Variants in RGS7 observed in about 807,000 individuals in gnomAD.
RGS7 encodes regulator of G-protein signaling 7.
RGS7 carries 27 observed loss-of-function variants against 81.1 expected under a neutral mutation model. The ratio of observed to expected loss-of-function variants is 0.33; its 90% CI spans 0.25 to 0.46. The LOEUF is 0.46. Ranked by LOEUF, RGS7 falls within the 20% of genes least tolerant of loss-of-function variation. The pLI, the probability that RGS7 is intolerant of heterozygous loss-of-function variation, is 1.00. For missense variants in RGS7, 396 were observed against 607.4 expected (o/e 0.65, Z 3.66); for synonymous variants, 208 against 207.7 (o/e 1.00, Z -0.01).
intron 6 of RGS7, among the ~76,000 whole-genome samples, chr1:240,924,227 G>T (rs1674052173): frequency 6.6e-6 from 1 of 152,084 alleles, no homozygotes; most frequent in East Asian, 1.9e-4. Flanking sequence ...CTTTCTTTTT[G>T]CTGGCCTCTT....
At chr1:240,929,073 TATG>T (rs1230872837) in intron 6 of RGS7, among the ~76,000 whole-genome samples, 1 of 152,228 alleles carries the variant, frequency 6.6e-6, no homozygotes, top group Non-Finnish European at 1.5e-5. Flanking sequence ...AGGAAGTCAA[TATG>T]ATTTCTGTTT....
intron 9 of RGS7, among the ~76,000 whole-genome samples, chr1:240,861,785 C>T (rs1361315768): frequency 1.3e-5 from 2 of 151,964 alleles, no homozygotes; most frequent in Non-Finnish European, 2.9e-5. Context: ...ACCGTCCATC[C>T]ATTCACCTCT....
intron 3 of RGS7, among the ~76,000 whole-genome samples, chr1:240,985,053 A>C (rs1685450902): frequency 6.6e-6 from 1 of 152,234 alleles, no homozygotes; most frequent in Admixed American, 6.5e-5. Context: ...AATGGAAAGG[A>C]GATCATTCTC....
rs549457843 is a variant in RGS7, at chr1:240,920,222, C to A, written c.385+10495G>T. 7 of 1,169,772 alleles carry A rather than the reference C, an allele frequency of 6.0e-6. No individual in the cohort carries two copies. In the South Asian group the frequency reaches 7.3e-5, roughly 12 times the overall value. The allele number at this position is 1,169,772 out of a possible 1,614,324, so 72.5% of individuals were successfully genotyped here. On this transcript the variant is annotated intron_variant, in intron 6 of 18. Transcript: ENST00000440928. ...AGCAAGAGATAGCTAGTGCTTCATG[C>A]AGCCAAAGAGGTCGAAGTGGTTCTG...
At chr1:241,250,860 C>G (rs1022312917) in intron 2 of RGS7, among the ~76,000 whole-genome samples, 2 of 152,130 alleles carry the variant, frequency 1.3e-5, no homozygotes, top group African/African-American at 2.4e-5. Flanking sequence ...CTCTGGAAGC[C>G]CCTCCGAATA....
rs112827694 is a variant in RGS7 at position 240,814,206 on chromosome 1, T to C, written c.846-478A>G. Among the ~76,000 whole-genome samples, 927 of 152,204 alleles carry C rather than the reference T, an allele frequency of 6.1e-3. 5 individuals carry two copies. The highest frequency in any genetic ancestry group is 0.02 in the African/African-American group (810 of 41,522). ...TTTAAAAAGGGAGAAGGGAAAGAAG[T>C]TGGGGAGGTAGGATTTGGCAATGCC... is the stretch of plus-strand genomic sequence containing the variant. On this transcript the variant is annotated intron_variant, in intron 12 of 18. Coordinates refer to ENST00000440928, the MANE Select transcript of RGS7 (RefSeq NM_001364886.1).
intron 2 of RGS7, among the ~76,000 whole-genome samples, chr1:241,350,324 A>G (rs1271512145): frequency 6.6e-6 from 1 of 152,218 alleles, no homozygotes; most frequent in African/African-American, 2.4e-5. Context: ...TGTTTAGGGT[A>G]GACAACATCC....
At chr1:240,820,744 T>A (rs1410761561) in intron 10 of RGS7, among the ~76,000 whole-genome samples, 1 of 152,194 alleles carries the variant, frequency 6.6e-6, no homozygotes, top group Non-Finnish European at 1.5e-5. Flanking sequence ...TGCTGGTGCC[T>A]TGATCTTGGA....
intron 3 of RGS7, among the ~76,000 whole-genome samples, chr1:240,990,608 C>T (rs1686318592): frequency 6.6e-6 from 1 of 152,154 alleles, no homozygotes; most frequent in African/African-American, 2.4e-5. Context: ...ATTGTTACTT[C>T]TGGATTTTTA....
At chr1:240,820,504 T>C (rs564919670) in intron 10 of RGS7, among the ~76,000 whole-genome samples, 12 of 152,234 alleles carry the variant, frequency 7.9e-5, no homozygotes, top group Admixed American at 6.5e-4. Context: ...GTCTGAATGT[T>C]TGTGTCTCTC....
intron 2 of RGS7, among the ~76,000 whole-genome samples, chr1:241,200,614 C>G (rs2073431021): frequency 6.6e-6 from 1 of 152,212 alleles, no homozygotes; most frequent in Non-Finnish European, 1.5e-5. Context: ...CCCTGCCCCT[C>G]CAACCTCTTG....
At chr1:241,262,633 A>G (rs1425530685) in intron 2 of RGS7, among the ~76,000 whole-genome samples, 1 of 152,186 alleles carries the variant, frequency 6.6e-6, no homozygotes, top group Non-Finnish European at 1.5e-5. Context: ...TCGTAGCAAC[A>G]TAATTATAAA....
chr1:241,181,310 C>T (rs141242423), intron 2 of RGS7, among the ~76,000 whole-genome samples: 16 of 152,196 alleles, frequency 1.1e-4, no homozygotes, highest in Non-Finnish European at 2.1e-4. Context: ...TATACGGATA[C>T]GGGGTATAGG....
At position 241,259,665 on chromosome 1, in the gene RGS7, A is replaced by AG. The variant is rs1441232473; in HGVS notation, c.78+96033_78+96034insC. Among the ~76,000 whole-genome samples, 13 of 56,740 alleles carry AG rather than the reference A, an allele frequency of 2.3e-4. 1 individual carries two copies. Among genetic ancestry groups the AG allele is most frequent in the Non-Finnish European group, 4.4e-4 (13 of 29,544 alleles). The allele number at this position is 56,740 out of a possible 152,430, so 37.2% of individuals were successfully genotyped here. ...AACTCCGTCTCAAAAAAAAAAAAAA[A>AG]AAATATATATATATATATATAATTA... is the stretch of plus-strand genomic sequence containing the variant. On this transcript the variant is annotated intron_variant, in intron 2 of 18. Transcript: ENST00000440928.
At chr1:240,830,100 C>G (rs1221770591) in intron 9 of RGS7, among the ~76,000 whole-genome samples, 1 of 152,086 alleles carries the variant, frequency 6.6e-6, no homozygotes, top group Non-Finnish European at 1.5e-5. Flanking sequence ...TAGAAGAAGC[C>G]CCACATGCAA....
chr1:241,356,266 T>C (rs961193202), intron 1 of RGS7, among the ~76,000 whole-genome samples: 1 of 152,082 alleles, frequency 6.6e-6, no homozygotes, highest in South Asian at 2.1e-4. Flanking sequence ...CTCCTAGGTA[T>C]CTGTCTAGTG....
Position 241,271,731 on chromosome 1 carries a change from T to C in RGS7, c.78+83968A>G, listed in dbSNP as rs1039919844. On this transcript the variant is annotated intron_variant, in intron 2 of 18. Coordinates refer to ENST00000440928, the MANE Select transcript of RGS7 (RefSeq NM_001364886.1). The surrounding 1 kb of genome is among the most constrained non-coding windows in gnomAD (Gnocchi z 4.6). ...CTGCTGGAGTGCTTGAGCTAGGACATTGGCCTTGGAGTGGGATTTACACCA... is the reference window on the plus strand; with the variant it reads ...CTGCTGGAGTGCTTGAGCTAGGACACTGGCCTTGGAGTGGGATTTACACCA... Among the ~76,000 whole-genome samples the C allele has an allele frequency of 5.1e-4, 77 of 152,276 alleles. No individual in the cohort carries two copies. The highest frequency in any genetic ancestry group is 1.6e-3 in the African/African-American group (67 of 41,556).
intron 4 of RGS7, among the ~76,000 whole-genome samples, chr1:240,965,308 A>G (rs1001548089): frequency 6.6e-6 from 1 of 152,080 alleles, no homozygotes; most frequent in Non-Finnish European, 1.5e-5. Context: ...AGTAATACCT[A>G]TGTTTCTGTC....
chr1:241,039,800 A>G (rs2060514234), intron 3 of RGS7, among the ~76,000 whole-genome samples: 1 of 150,686 alleles, frequency 6.6e-6, no homozygotes, highest in South Asian at 2.1e-4. Flanking sequence ...TGGCAGAGCC[A>G]TAACATGGAA....
Sources: gnomAD v4.1 joint callset for allele counts (sites outside exome capture counted in the v4.1 genomes callset) on GRCh38, gnomAD v4.1.1 for gene constraint, Gnocchi (gnomAD v3.1) non-coding constraint, MANE v1.5 for transcripts, NCBI Gene and HGNC (gene_info 2026-07-23, HGNC 2026-07-21) for gene names.